VCP: variants seen among roughly 807,000 people sequenced by gnomAD.
VCP encodes transitional endoplasmic reticulum ATPase.
A neutral mutation model predicts 85.7 loss-of-function variants in VCP; 6 were observed. The ratio of observed to expected loss-of-function variants is 0.07; its 90% CI spans 0.04 to 0.14. The LOEUF is 0.14. Among genes scored for constraint, VCP ranks in the 10% least tolerant of loss-of-function variants. VCP has a pLI of 1.00. For missense variants in VCP, 353 were observed against 1,043.4 expected (o/e 0.34, Z 9.12); for synonymous variants, 384 against 367.1 (o/e 1.05, Z -0.53).
At position 35,071,293 on chromosome 9, in the gene VCP, G is replaced by GT. The variant is rs869178164; in HGVS notation, c.17+1043dup. Among the ~76,000 whole-genome samples the GT allele has an allele frequency of 6.3e-3, 435 of 69,116 alleles. 70 individuals carry two copies. Among genetic ancestry groups the GT allele is most frequent in the African/African-American group, 0.017 (299 of 17,694 alleles). The allele number at this position is 69,116 out of a possible 152,430, so 45.3% of individuals were successfully genotyped here. On this transcript the variant is annotated intron_variant, in intron 1 of 16. Transcript: ENST00000358901. ...CATAGAGTTTCCTTGGGCTGGCTGTGTTTTTTTTTTTTTTTTTTTTTTTTT... is the reference window on the plus strand; with the variant it reads ...CATAGAGTTTCCTTGGGCTGGCTGTGTTTTTTTTTTTTTTTTTTTTTTTTTT...
At chr9:35,071,363 T>C (rs974760773) in intron 1 of VCP, among the ~76,000 whole-genome samples, 2 of 127,620 alleles carry the variant, frequency 1.6e-5, no homozygotes, top group African/African-American at 5.9e-5. Flanking sequence ...TGGGCTGAGG[T>C]AGCCAAGTTT....
intron 4 of VCP, among the ~76,000 whole-genome samples, chr9:35,065,839 T>A (rs1828817938): frequency 6.6e-6 from 1 of 152,182 alleles, no homozygotes; most frequent in South Asian, 2.1e-4. Flanking sequence ...TGAATATGTG[T>A]GCAGGGTTTG....
chr9:35,072,279 T>C (rs1172313292), intron 1 of VCP, 58 bp downstream of exon 1: 28 of 1,484,950 alleles, frequency 1.9e-5, no homozygotes, highest in Non-Finnish European at 2.5e-5. Flanking sequence ...GGGCCTACCC[T>C]GCGCGGCTGG....
At chr9:35,066,949 G>A (rs1359660026) in intron 3 of VCP, 132 bp from the exon 4 acceptor site, 4 of 1,443,416 alleles carry the variant, frequency 2.8e-6, no homozygotes, top group African/African-American at 1.4e-5. Context: ...GGCGAAGAGA[G>A]GAAGGAGAAC....
rs1287162663 is a variant in VCP at position 35,066,741 on chromosome 9, T to C, written c.379A>G (p.Thr127Ala). 1 of 1,614,200 alleles carries C rather than the reference T, an allele frequency of 6.2e-7. No homozygotes were observed. The highest frequency in any genetic ancestry group is 2.2e-5 in the East Asian group (1 of 44,868). The change falls in exon 4 of 17, where the codon ACT becomes GCT. Residue 127 changes from threonine (T) to alanine (A), a missense_variant. This residue lies in a region of VCP where 85 missense variants were observed against 345.2 expected (regional missense o/e 0.25). Transcript: ENST00000358901. ...LPIDDTVEGI[T>A]GNLFEVYLKP... The stretch of plus-strand genomic sequence containing the variant: ...AGGTATACCTCGAAGAGATTACCAG[T>C]AATGCCTTCCACTGTGTCATCAATG...
At chr9:35,057,645 G>A (rs976672687) in intron 15 of VCP, 115 bp from the exon 16 acceptor site, 2 of 1,397,026 alleles carry the variant, frequency 1.4e-6, no homozygotes, top group East Asian at 2.3e-5. Flanking sequence ...CCAACCTGAG[G>A]TAAGATGCTA....
At chr9:35,057,810 T>C (rs143410274) in intron 15 of VCP, 4 of 499,446 alleles carry the variant, frequency 8.0e-6, no homozygotes, top group African/African-American at 5.8e-5. Context: ...TTTGAGATAG[T>C]AGAAATTTTA....
chr9:35,059,327 A>C lies in VCP; in HGVS notation c.2005-108T>G. The C allele has an allele frequency of 6.4e-7, 1 of 1,553,508 alleles. No homozygotes were observed. Among genetic ancestry groups the C allele is most frequent in the Non-Finnish European group, 8.7e-7 (1 of 1,143,542 alleles). On this transcript the variant is annotated intron_variant, in intron 14 of 16. Transcript: ENST00000358901. This position sits in a 1 kb window ranked among gnomAD's most constrained non-coding sequence, Gnocchi z 4.9. ...ACTACAGTTTGCCCCTTCTTTGGCC[A>C]CCCCATTTTATTCCTGATTCTAGAT...
At chr9:35,072,312 A>T (rs1828974072) in intron 1 of VCP, 25 bp downstream of exon 1, 3 of 1,483,576 alleles carry the variant, frequency 2.0e-6, no homozygotes, top group Non-Finnish European at 2.7e-6. Context: ...CCGCCGCAGC[A>T]AGCGAACGGC....
In VCP at chr9:35,059,402, C is replaced by T; in HGVS notation, c.2004+91G>A. 1.9e-6 allele frequency: 3 copies of T among 1,557,184 alleles called. No individual in the cohort carries two copies. The highest frequency in any genetic ancestry group is 3.7e-5 in the Admixed American group (2 of 53,980). On this transcript the variant is annotated intron_variant, in intron 14 of 16. Transcript: ENST00000358901. The surrounding 1 kb of genome is among the most constrained non-coding windows in gnomAD (Gnocchi z 4.9). ...ACCTTCCCTTTAGACCAACCCTAAC[C>T]CCAGTGGAATCTTGTCCAGAAACTA... is the stretch of plus-strand genomic sequence containing the variant.
chr9:35,061,565 T>C lies in VCP; in HGVS notation c.1194+12A>G. ...CACTGTAACGCCTGGTCAGCCATCA[T>C]CATCACTTCACCTGTTCCAGGTCCA... is the stretch of plus-strand genomic sequence containing the variant. On this transcript the variant is annotated intron_variant, in intron 10 of 16. Transcript: ENST00000358901. 1 of 1,612,738 alleles carries C rather than the reference T, an allele frequency of 6.2e-7. No homozygotes were observed. Among genetic ancestry groups the C allele is most frequent in the Non-Finnish European group, 8.5e-7 (1 of 1,178,734 alleles).
At position 35,057,498 on chromosome 9, in the gene VCP, G is replaced by C. The variant is rs186657793; in HGVS notation, c.2193C>G (p.Ile731Met). The change falls in exon 16 of 17, where the codon ATC becomes ATG. Residue 731 changes from isoleucine to methionine, a missense_variant. This residue lies in a region of VCP where 93 missense variants were observed against 197.1 expected (regional missense o/e 0.47). Coordinates refer to ENST00000358901, the MANE Select transcript of VCP (RefSeq NM_007126.5). The stretch of plus-strand genomic sequence containing the variant: ...TGGCTTCTTCAAAGTGATCTCGACG[G>C]ATCTCAGGCACTGGATCATCCTCTT... ...EVEEDDPVPEIRRDHFEEAMR... is the reference protein window; with the variant it reads ...EVEEDDPVPEMRRDHFEEAMR... The C allele has an allele frequency of 6.2e-7, 1 of 1,612,946 alleles. No individual in the cohort carries two copies. Among genetic ancestry groups the C allele is most frequent in the Non-Finnish European group, 8.5e-7 (1 of 1,180,036 alleles).
rs560622314 is a variant in VCP, at chr9:35,072,307, G to A, written c.17+30C>T. 372 of 1,482,478 alleles carry A rather than the reference G, an allele frequency of 2.5e-4. 3 individuals are homozygous for A. In the South Asian group the frequency reaches 4.3e-3, roughly 17 times the overall value. The allele number at this position is 1,482,478 out of a possible 1,614,324, so 91.8% of individuals were successfully genotyped here. A position where few individuals can be genotyped will look rare whatever the true frequency, so the allele number is the denominator to read the frequency against. ...GCGGCTGGTCCCGGTGCGCGCCGCC[G>A]CAGCAAGCGAACGGCGCGCGCACAC... On this transcript the variant is annotated intron_variant, in intron 1 of 16. Coordinates refer to ENST00000358901, the MANE Select transcript of VCP (RefSeq NM_007126.5).
intron 1 of VCP, among the ~76,000 whole-genome samples, chr9:35,068,764 T>C (rs1201509181): frequency 6.6e-6 from 1 of 152,232 alleles, no homozygotes. Context: ...ATTCCAATTA[T>C]GCCACTGCTT....
chr9:35,064,388 G>T, intron 5 of VCP, 103 bp from the exon 6 acceptor site: 1 of 1,486,344 alleles, frequency 6.7e-7, no homozygotes, highest in Non-Finnish European at 9.2e-7. Flanking sequence ...AAAACCTACC[G>T]TATAAGAAGA....
In VCP at chr9:35,059,539, C is replaced by T; in HGVS notation, c.1958G>A (p.Arg653His). 6.2e-7 allele frequency: 1 copy of T among 1,614,130 alleles called. No individual in the cohort carries two copies. Among genetic ancestry groups the T allele is most frequent in the Non-Finnish European group, 8.5e-7 (1 of 1,180,040 alleles). The change falls in exon 14 of 17, where the codon CGT (arginine) becomes CAT (histidine). Residue 653 changes from arginine to histidine, a missense_variant. This residue lies in a region of VCP where 30 missense variants were observed against 192.3 expected (regional missense o/e 0.16). Coordinates refer to ENST00000358901, the MANE Select transcript of VCP (RefSeq NM_007126.5). This position sits in a 1 kb window ranked among gnomAD's most constrained non-coding sequence, Gnocchi z 4.9. ...IYIPLPDEKS[R>H]VAILKANLRK... ...CAGGTTAGCCTTGAGGATGGCAACA[C>T]GGGACTTCTCATCAGGAAGTGGGAT...
chr9:35,061,958 T>C lies in VCP; in HGVS notation c.1081+45A>G, dbSNP rs749982944. On this transcript the variant is annotated intron_variant, in intron 9 of 16. Transcript: ENST00000358901. ...AGGTGACTTAGATGAAGGAGAGAAGTAGGACCTAAGCAAGGACGGGGTCAA... is the reference window on the plus strand; with the variant it reads ...AGGTGACTTAGATGAAGGAGAGAAGCAGGACCTAAGCAAGGACGGGGTCAA... 5.0e-6 allele frequency: 8 copies of C among 1,613,802 alleles called. No homozygotes were observed. The Admixed American group carries it at 6.7e-5, about 13-fold the overall frequency.
intron 9 of VCP, 84 bp from the exon 10 acceptor site, chr9:35,061,773 C>T: frequency 2.2e-6 from 3 of 1,391,492 alleles, no homozygotes; most frequent in Middle Eastern, 1.8e-4. Flanking sequence ...ACCATCTCAG[C>T]CAGCACAGGA....
At position 35,062,204 on chromosome 9, in the gene VCP, G is replaced by A; in HGVS notation, c.945+13C>T. 1.2e-6 allele frequency: 2 copies of A among 1,614,082 alleles called. No homozygotes were observed. The highest frequency in any genetic ancestry group is 1.1e-5 in the South Asian group (1 of 91,088). ...CTTTCAACCCCCCTCTATCCCCTCA[G>A]GTAAGCTCCTACTTTCTCTCTTTTG... is the stretch of plus-strand genomic sequence containing the variant. On this transcript the variant is annotated intron_variant, in intron 8 of 16. Transcript: ENST00000358901.
Sources: allele counts gnomAD v4.1 joint callset (sites outside exome capture counted in the v4.1 genomes callset), GRCh38; gene constraint gnomAD v4.1.1; regional missense constraint gnomAD v4.1.1; non-coding constraint Gnocchi (gnomAD v3.1); transcripts MANE v1.5; gene names NCBI Gene and HGNC (gene_info 2026-07-23, HGNC 2026-07-21).